Variants in NPAS3 observed in about 807,000 individuals in gnomAD.
NPAS3 encodes the protein neuronal PAS domain-containing protein 3.
NPAS3 carries 14 observed loss-of-function variants against 73.1 expected under a neutral mutation model. The observed-to-expected ratio is 0.19, with a 90% CI of 0.13 to 0.30. The LOEUF (loss-of-function observed/expected upper bound fraction) is 0.30. NPAS3 is among the 10% of genes least tolerant of loss of function. The pLI is 1.00. For missense variants in NPAS3, 1,096 were observed against 1,250.0 expected, an observed-to-expected ratio of 0.88 and a Z score of 1.86; for synonymous variants, 620 against 541.5, an observed-to-expected ratio of 1.14 and a Z score of -2.01.
At chr14:33,709,625 G>T (rs1221701831) in intron 6 of NPAS3, among the ~76,000 whole-genome samples, 2 of 152,150 alleles carry the variant, frequency 1.3e-5, no homozygotes, top group African/African-American at 4.8e-5. Flanking sequence ...TATTGAGTTT[G>T]ATTCCCACAA....
intron 4 of NPAS3, among the ~76,000 whole-genome samples, chr14:33,558,190 G>A (rs943192843): frequency 4.6e-5 from 7 of 152,190 alleles, no homozygotes; most frequent in African/African-American, 1.4e-4. Context: ...CAAGAAATCA[G>A]AGGAGGGGAT....
intron 4 of NPAS3, among the ~76,000 whole-genome samples, chr14:33,392,196 T>C (rs2047036946): frequency 6.6e-6 from 1 of 152,188 alleles, no homozygotes; most frequent in African/African-American, 2.4e-5. Flanking sequence ...TAAAATGTAG[T>C]TTATTTTTGC....
intron 2 of NPAS3, among the ~76,000 whole-genome samples, chr14:33,144,009 T>G (rs1347646264): frequency 6.6e-6 from 1 of 152,236 alleles, no homozygotes; most frequent in African/African-American, 2.4e-5. Flanking sequence ...TGAATGGAGC[T>G]GCAGTAAACA....
chr14:33,318,103 G>A (rs2043282819), intron 3 of NPAS3, among the ~76,000 whole-genome samples: 1 of 151,990 alleles, frequency 6.6e-6, no homozygotes, highest in Admixed American at 6.6e-5. Flanking sequence ...GATATTCATT[G>A]ACAGATGAAT....
At chr14:33,145,611 AG>A (rs1414457397) in intron 2 of NPAS3, among the ~76,000 whole-genome samples, 2 of 152,002 alleles carry the variant, frequency 1.3e-5, no homozygotes, top group African/African-American at 4.8e-5. Flanking sequence ...TGTCCTTCTG[AG>A]GTCTAGAAGA....
intron 6 of NPAS3, among the ~76,000 whole-genome samples, chr14:33,692,830 A>G (rs1339736137): frequency 1.8e-5 from 2 of 112,978 alleles, no homozygotes; most frequent in Non-Finnish European, 3.5e-5. Flanking sequence ...AAGTAGCCCA[A>G]TGTCTTAAAA....
At chr14:33,084,315 C>A (rs1329324287) in intron 2 of NPAS3, among the ~76,000 whole-genome samples, 1 of 152,084 alleles carries the variant, frequency 6.6e-6, no homozygotes. Context: ...ATGCTTGGGT[C>A]TGCATTAAAT....
chr14:33,653,667 T>A (rs2059063921), intron 5 of NPAS3, among the ~76,000 whole-genome samples: 1 of 152,220 alleles, frequency 6.6e-6, no homozygotes, highest in Non-Finnish European at 1.5e-5. Flanking sequence ...AGAGGGTCGT[T>A]GACACTGCCA....
chr14:33,161,398 C>A (rs1003796260), intron 2 of NPAS3, among the ~76,000 whole-genome samples: 1 of 152,064 alleles, frequency 6.6e-6, no homozygotes, highest in African/African-American at 2.4e-5. Flanking sequence ...ATTAACTTGC[C>A]CAGCTTTATG....
chr14:33,096,265 A>T (rs969559564), intron 2 of NPAS3, among the ~76,000 whole-genome samples: 1 of 152,128 alleles, frequency 6.6e-6, no homozygotes, highest in African/African-American at 2.4e-5. Flanking sequence ...TGCCATTGCT[A>T]ATTGAACTGT....
At chr14:32,934,876 C>A, upstream of NPAS3, 1 of 684,574 alleles carries the variant, frequency 1.5e-6, no homozygotes, top group Non-Finnish European at 1.8e-6. This position sits in a 1 kb window ranked among gnomAD's most constrained non-coding sequence, Gnocchi z 4.1. Context: ...TTTCAGCGTG[C>A]AGGTGACGGC....
At chr14:33,347,828 T>C (rs961758395) in intron 3 of NPAS3, among the ~76,000 whole-genome samples, 3 of 152,266 alleles carry the variant, frequency 2.0e-5, no homozygotes, top group East Asian at 3.9e-4. Context: ...CAGGGAACGA[T>C]GACAAGGAAA....
chr14:33,618,999 T>C (rs1007136178), intron 5 of NPAS3, among the ~76,000 whole-genome samples: 114 of 152,228 alleles, frequency 7.5e-4, no homozygotes, highest in Non-Finnish European at 1.6e-3. Flanking sequence ...TCTTGTTCTT[T>C]GAAAATTAAG....
chr14:32,990,570 A>T (rs1470196066), intron 1 of NPAS3, among the ~76,000 whole-genome samples: 1 of 152,132 alleles, frequency 6.6e-6, no homozygotes, highest in African/African-American at 2.4e-5. Flanking sequence ...TCCAGTAGGT[A>T]GAGGAATAAC....
rs141055106 is a variant in NPAS3 at position 32,989,883 on chromosome 14, G to A, written c.50+50517G>A. Among the ~76,000 whole-genome samples, 250 of 152,304 alleles carry A rather than the reference G, an allele frequency of 1.6e-3. 1 individual carries two copies. In the East Asian group the frequency reaches 0.018, roughly 11 times the overall value. On this transcript the variant is annotated intron_variant, in intron 1 of 11. Coordinates refer to ENST00000356141, the Ensembl canonical transcript of NPAS3. ...GTGAGATTCACGGAAGGAGATATCA[G>A]TGTGAAGCTCTTGCAGTTATTCCAG...
chr14:33,030,741 A>G (rs146626260), intron 1 of NPAS3, among the ~76,000 whole-genome samples: 1 of 152,280 alleles, frequency 6.6e-6, no homozygotes, highest in Non-Finnish European at 1.5e-5. Flanking sequence ...GTGTATGAGT[A>G]TACTGTAAAG....
chr14:32,956,753 A>G (rs2036686504), intron 1 of NPAS3, among the ~76,000 whole-genome samples: 1 of 152,218 alleles, frequency 6.6e-6, no homozygotes, highest in South Asian at 2.1e-4. Flanking sequence ...TTATTAATGC[A>G]CAGGTAAGGA....
chr14:33,286,359 A>T (rs1403497129), intron 3 of NPAS3, among the ~76,000 whole-genome samples: 1 of 152,202 alleles, frequency 6.6e-6, no homozygotes, highest in African/African-American at 2.4e-5. Context: ...CAATGCTTTT[A>T]TTCATTCCTT....
At chr14:33,194,142 GC>G (rs2046264830) in intron 2 of NPAS3, among the ~76,000 whole-genome samples, 1 of 152,154 alleles carries the variant, frequency 6.6e-6, no homozygotes, top group Non-Finnish European at 1.5e-5. Flanking sequence ...TTTAAAAATT[GC>G]CCAAATCACT....
Sources: gnomAD v4.1 joint callset for allele counts (sites outside exome capture counted in the v4.1 genomes callset) on GRCh38, gnomAD v4.1.1 for gene constraint, Gnocchi (gnomAD v3.1) non-coding constraint, MANE v1.5 for transcripts, NCBI Gene and HGNC (gene_info 2026-07-23, HGNC 2026-07-21) for gene names.